KANK2: variants seen among roughly 807,000 people sequenced by gnomAD.
KANK2 encodes the protein KN motif and ankyrin repeat domains 2.
Under a neutral mutation model 74.6 loss-of-function variants are expected in KANK2, and 41 were observed. That is an observed-to-expected ratio of 0.55 (90% confidence interval 0.43 to 0.71). The LOEUF (loss-of-function observed/expected upper bound fraction) is 0.71. Among genes scored for constraint, KANK2 ranks in the 30% least tolerant of loss-of-function variants. The pLI is 0.00. For synonymous variants in KANK2, 537 were observed against 519.0 expected, an observed-to-expected ratio of 1.03 and a Z score of -0.47; for missense variants, 1,148 against 1,196.4, an observed-to-expected ratio of 0.96 and a Z score of 0.60.
chr19:11,171,110 GT>G (rs1217923054), intron 10 of KANK2, among the ~76,000 whole-genome samples: 3 of 152,164 alleles, frequency 2.0e-5, no homozygotes, highest in Non-Finnish European at 2.9e-5. Context: ...GCCTAAAAGG[GT>G]TAATTCTGGG....
At chr19:11,176,938 G>T in intron 6 of KANK2, 121 bp from the exon 7 acceptor site, 3 of 1,161,618 alleles carry the variant, frequency 2.6e-6, no homozygotes, top group Non-Finnish European at 3.5e-6. Flanking sequence ...CTGTTCAATG[G>T]CAGTATTGAC....
At chr19:11,175,801 T>TAG in intron 8 of KANK2, 101 bp downstream of exon 8, 1 of 779,216 alleles carries the variant, frequency 1.3e-6, no homozygotes. Flanking sequence ...GGGTCCCCAC[T>TAG]AGGCAGGAGC....
At chr19:11,188,335 A>G (rs2078736433) in intron 4 of KANK2, among the ~76,000 whole-genome samples, 1 of 151,828 alleles carries the variant, frequency 6.6e-6, no homozygotes, top group Non-Finnish European at 1.5e-5. Context: ...CAGCTTCCCA[A>G]GTAGCTGGGA....
At chr19:11,177,771 G>T (rs905230037) in intron 6 of KANK2, among the ~76,000 whole-genome samples, 13 of 152,046 alleles carry the variant, frequency 8.6e-5, no homozygotes, top group Non-Finnish European at 1.2e-4. Context: ...GGCATTCAAG[G>T]CCCCAAACCA....
chr19:11,176,058 T>G, intron 7 of KANK2, 69 bp from the exon 8 acceptor site: 6 of 1,215,512 alleles, frequency 4.9e-6, no homozygotes, highest in Non-Finnish European at 7.2e-6. Flanking sequence ...GACTTGACAT[T>G]CTGCACCACG....
At chr19:11,194,314 C>T (rs541643808) in intron 3 of KANK2, among the ~76,000 whole-genome samples, 161 bp downstream of exon 3, 4 of 152,114 alleles carry the variant, frequency 2.6e-5, no homozygotes, top group African/African-American at 9.7e-5. Flanking sequence ...TCTGCCTCCC[C>T]CTTCAGACCC....
chr19:11,168,329 AGGC>A (rs1468962893), intron 12 of KANK2, among the ~76,000 whole-genome samples: 1 of 150,658 alleles, frequency 6.6e-6, no homozygotes, highest in Non-Finnish European at 1.5e-5. Context: ...TTCCCAGACA[AGGC>A]GGCACTCTGT....
chr19:11,178,835 A>G (rs1600813727), intron 4 of KANK2, 115 bp from the exon 5 acceptor site: 2 of 914,440 alleles, frequency 2.2e-6, no homozygotes, highest in East Asian at 6.3e-5. Flanking sequence ...TTGTGTTACC[A>G]CATCCAGTCT....
At chr19:11,178,202 T>G in intron 6 of KANK2, 143 bp downstream of exon 6, 1 of 764,108 alleles carries the variant, frequency 1.3e-6, no homozygotes, top group Non-Finnish European at 1.9e-6. Flanking sequence ...TGCCTCAGTT[T>G]CCTCATCTCT....
intron 4 of KANK2, 47 bp downstream of exon 4, chr19:11,192,782 GGC>G: frequency 6.5e-7 from 1 of 1,543,188 alleles, no homozygotes; most frequent in Admixed American, 1.9e-5. Context: ...GGAAGAAAGA[GGC>G]CCCCCCCCCC....
chr19:11,188,675 T>A (rs146752281), intron 4 of KANK2, among the ~76,000 whole-genome samples: 3 of 152,014 alleles, frequency 2.0e-5, no homozygotes, highest in Non-Finnish European at 4.4e-5. Flanking sequence ...ACTTCTTTCA[T>A]GTCTTCATTC....
chr19:11,185,937 G>A (rs2078662099), intron 4 of KANK2, among the ~76,000 whole-genome samples: 1 of 152,126 alleles, frequency 6.6e-6, no homozygotes, highest in Non-Finnish European at 1.5e-5. Context: ...AGGCTGAGGT[G>A]GAGGGATCAC....
In KANK2 at chr19:11,170,228, C is replaced by G. The variant is rs2078136560; in HGVS notation, c.2232G>C (p.Met744Ile). The stretch of plus-strand genomic sequence containing the variant: ...CCACCCGCCCGTGGCTGACGGCCAG[C>G]ATCAGGGCCGTCTGTCCTGCCTGGG... ...KASQAGQTAL[M>I]LAVSHGRVDV... The change falls in exon 11 of 13, where the codon ATG becomes ATC. Residue 744 changes from methionine to isoleucine, a missense_variant. Coordinates refer to ENST00000586659, the MANE Select transcript of KANK2 (RefSeq NM_001136191.3). The surrounding 1 kb of genome is among the most constrained non-coding windows in gnomAD (Gnocchi z 5.2). 6.2e-7 allele frequency: 1 copy of G among 1,610,124 alleles called. No homozygotes were observed. Among genetic ancestry groups the G allele is most frequent in the African/African-American group, 1.3e-5 (1 of 74,940 alleles).
rs965830760 is a variant in KANK2 at position 11,165,776 on chromosome 19, C to G, written c.*782G>C. ...CTGTGTTGCCCAGGCTGGTCTTTAA[C>G]GTCTAGGCTCAAGCTCAAGCTCTTG... On this transcript the variant is annotated 3_prime_UTR_variant, in exon 13 of 13. Coordinates refer to ENST00000586659, the MANE Select transcript of KANK2 (RefSeq NM_001136191.3). The G allele has an allele frequency of 1.3e-5, 2 of 152,090 alleles. No homozygotes were observed. Among genetic ancestry groups the G allele is most frequent in the African/African-American group, 4.8e-5 (2 of 41,372 alleles). The allele number at this position is 152,090 out of a possible 1,614,324, so 9.4% of individuals were successfully genotyped here.
At chr19:11,176,454 T>G (rs537451157) in intron 7 of KANK2, 124 bp downstream of exon 7, 1 of 1,116,928 alleles carries the variant, frequency 9.0e-7, no homozygotes, top group South Asian at 2.0e-5. Flanking sequence ...GCTCGTTTGC[T>G]AATTCAGACT....
chr19:11,181,113 A>AAAAAAAG lies in KANK2; in HGVS notation c.1250-2394_1250-2393insCTTTTTT, dbSNP rs1347678650. ...CAAAAAAAAAAAAAAAAAAAAAAAA[A>AAAAAAAG]AAATTCTGGGAGAGCCAAAAAATGA... On this transcript the variant is annotated intron_variant, in intron 4 of 12. Transcript: ENST00000586659. Among the ~76,000 whole-genome samples the AAAAAAAG allele has an allele frequency of 1.0e-3, 98 of 98,336 alleles. 14 individuals carry two copies. Among genetic ancestry groups the AAAAAAAG allele is most frequent in the African/African-American group, 4.0e-3 (95 of 23,810 alleles). The allele number at this position is 98,336 out of a possible 152,430, so 64.5% of individuals were successfully genotyped here.
In KANK2 at chr19:11,164,519, T is replaced by C. The variant is rs1313070517; in HGVS notation, c.*2039A>G. On this transcript the variant is annotated 3_prime_UTR_variant, in exon 13 of 13. Coordinates refer to ENST00000586659, the MANE Select transcript of KANK2 (RefSeq NM_001136191.3). ...GGTCACGCATTCCTGGGCCAAGGAG[T>C]TGCTTCTAAGAGCTTAAAATAAATG... 2 of 151,516 alleles carry C rather than the reference T, an allele frequency of 1.3e-5. No homozygotes were observed. Among genetic ancestry groups the C allele is most frequent in the Non-Finnish European group, 2.9e-5 (2 of 67,892 alleles). The allele number at this position is 151,516 out of a possible 1,614,324, so 9.4% of individuals were successfully genotyped here. A position where few individuals can be genotyped will look rare whatever the true frequency, so the allele number is the denominator to read the frequency against.
At chr19:11,169,223 A>C (rs1293142372) in intron 12 of KANK2, among the ~76,000 whole-genome samples, 1 of 152,160 alleles carries the variant, frequency 6.6e-6, no homozygotes, top group Non-Finnish European at 1.5e-5. Context: ...CTGTAATCCC[A>C]GCTACTTTGG....
rs1259612154 is a variant in KANK2, at chr19:11,170,429, CAG to C, written c.2212-183_2212-182del. The C allele has an allele frequency of 3.3e-5, 20 of 600,602 alleles. No homozygotes were observed. The African/African-American group carries it at 3.7e-4, about 11-fold the overall frequency. 37.2% of individuals were successfully genotyped at this position (600,602 alleles called of 1,614,324 possible). A position where few individuals can be genotyped will look rare whatever the true frequency, so the allele number is the denominator to read the frequency against. ...CAGGGGAGTAATAAATCCACAGAGA[CAG>C]AAAGCGGATGAGTGGTTGCCAGAGG... On this transcript the variant is annotated intron_variant, in intron 10 of 12. Coordinates refer to ENST00000586659, the MANE Select transcript of KANK2 (RefSeq NM_001136191.3). The surrounding 1 kb of genome is among the most constrained non-coding windows in gnomAD (Gnocchi z 5.2).
Sources: allele counts gnomAD v4.1 joint callset (sites outside exome capture counted in the v4.1 genomes callset), GRCh38; gene constraint gnomAD v4.1.1; non-coding constraint Gnocchi (gnomAD v3.1); transcripts MANE v1.5; gene names NCBI Gene and HGNC (gene_info 2026-07-23, HGNC 2026-07-21).